UBAP2: variants seen among roughly 807,000 people sequenced by gnomAD.
UBAP2 encodes ubiquitin associated protein 2, also known as ubiquitin-associated protein 2.
Under a neutral mutation model 139.6 loss-of-function variants are expected in UBAP2, and 75 were observed. That is an observed-to-expected ratio of 0.54 (90% CI 0.45 to 0.65). UBAP2 has a LOEUF of 0.65. UBAP2 is among the 30% of genes least tolerant of loss of function. UBAP2 has a pLI of 0.00. For missense variants in UBAP2, 1,368 were observed against 1,369.6 expected (o/e 1.00, Z 0.02); for synonymous variants, 526 against 526.2 (o/e 1.00, Z 0.01).
intron 13 of UBAP2, 105 bp downstream of exon 13, chr9:33,948,269 A>G: frequency 9.8e-7 from 1 of 1,022,076 alleles, no homozygotes; most frequent in Non-Finnish European, 1.4e-6. Flanking sequence ...TACTAAAAAG[A>G]AACATCTCTG....
At chr9:33,979,975 A>G (rs1820493895) in intron 6 of UBAP2, among the ~76,000 whole-genome samples, 1 of 151,858 alleles carries the variant, frequency 6.6e-6, no homozygotes, top group East Asian at 2.0e-4. Context: ...CGGGAGGCTA[A>G]GGCAGGAGAA....
intron 3 of UBAP2, 24 bp downstream of exon 3, chr9:33,998,763 T>C (rs377556391): frequency 2.7e-5 from 43 of 1,584,960 alleles, no homozygotes; most frequent in Non-Finnish European, 3.6e-5. Flanking sequence ...ATAAAAATGA[T>C]GATATCCTTT....
intron 1 of UBAP2, among the ~76,000 whole-genome samples, chr9:34,017,936 A>ATAAATAAAATTT (rs1824526543): frequency 6.6e-6 from 1 of 152,192 alleles, no homozygotes; most frequent in Non-Finnish European, 1.5e-5. Context: ...CAAAAAAAAA[A>ATAAATAAAATTT]AAAAATTGTG....
chr9:33,989,167 T>C, intron 4 of UBAP2, 41 bp from the exon 5 acceptor site: 3 of 1,554,386 alleles, frequency 1.9e-6, no homozygotes, highest in Non-Finnish European at 2.6e-6. Context: ...TCATTCAAAG[T>C]GTGTACAATT....
chr9:33,944,927 C>T (rs1168719043), intron 13 of UBAP2, among the ~76,000 whole-genome samples: 1 of 152,080 alleles, frequency 6.6e-6, no homozygotes, highest in Admixed American at 6.5e-5. Flanking sequence ...CATTAGCTAA[C>T]AGAGAATCAT....
At chr9:34,030,689 G>A (rs1825816522) in intron 1 of UBAP2, among the ~76,000 whole-genome samples, 1 of 152,180 alleles carries the variant, frequency 6.6e-6, no homozygotes, top group African/African-American at 2.4e-5. Context: ...CACTTTGGGA[G>A]GCCCGGGCGC....
intron 2 of UBAP2, among the ~76,000 whole-genome samples, chr9:34,002,308 T>G (rs192964999): frequency 2.0e-5 from 3 of 151,810 alleles, no homozygotes; most frequent in Non-Finnish European, 4.4e-5. Flanking sequence ...GTGGAATCAC[T>G]CACAGACACA....
In UBAP2 at chr9:33,943,594, AAAAGC is replaced by A. The variant is rs778289619; in HGVS notation, c.1546-10_1546-6del. The A allele has an allele frequency of 6.2e-7, 1 of 1,614,002 alleles. No individual in the cohort carries two copies. The highest frequency in any genetic ancestry group is 8.5e-7 in the Non-Finnish European group (1 of 1,179,956). On this transcript the variant is annotated splice_region_variant and splice_polypyrimidine_tract_variant and intron_variant, in intron 14 of 28. Transcript: ENST00000379238. ...TTCCACTGCAGAAGCTGGGATCTGAAAAAGCAAAGCTGTCGTGTCAGGAACAGAGG... is the reference window on the plus strand; with the variant it reads ...TTCCACTGCAGAAGCTGGGATCTGAAAAAGCTGTCGTGTCAGGAACAGAGG...
intron 19 of UBAP2, among the ~76,000 whole-genome samples, chr9:33,930,752 C>T (rs1303743801): frequency 2.0e-5 from 3 of 151,730 alleles, no homozygotes; most frequent in South Asian, 2.1e-4. Context: ...AAAAATTATC[C>T]GGGCATGGTG....
chr9:33,929,253 T>C (rs914734814), intron 19 of UBAP2, among the ~76,000 whole-genome samples: 13 of 152,286 alleles, frequency 8.5e-5, no homozygotes, highest in Non-Finnish European at 1.8e-4. Flanking sequence ...ACATTCTCCA[T>C]CGCTAAGAGA....
intron 9 of UBAP2, 111 bp downstream of exon 9, chr9:33,963,615 A>G: frequency 1.5e-6 from 1 of 647,054 alleles, no homozygotes; most frequent in Non-Finnish European, 2.6e-6. Flanking sequence ...TATAGTTTAC[A>G]AACATTTATC....
Position 33,922,352 on chromosome 9 carries a change from C to T in UBAP2, c.*152G>A. 1 of 731,862 alleles carries T rather than the reference C, an allele frequency of 1.4e-6. No homozygotes were observed. Among genetic ancestry groups the T allele is most frequent in the Non-Finnish European group, 2.4e-6 (1 of 420,704 alleles). 45.3% of individuals were successfully genotyped at this position (731,862 alleles called of 1,614,324 possible). ...AATACATACATAAATACATTACATA[C>T]AGTAGCCAGTCTGGGAGGCAGACTC... On this transcript the variant is annotated 3_prime_UTR_variant, in exon 29 of 29. Transcript: ENST00000379238.
chr9:33,974,360 A>G (rs1587592989), intron 6 of UBAP2, among the ~76,000 whole-genome samples: 1 of 152,248 alleles, frequency 6.6e-6, no homozygotes, highest in East Asian at 1.9e-4. Context: ...TACAAATATT[A>G]ATGGGGCATA....
chr9:34,012,584 G>C (rs1823852943), intron 2 of UBAP2, among the ~76,000 whole-genome samples: 1 of 150,450 alleles, frequency 6.6e-6, no homozygotes, highest in Non-Finnish European at 1.5e-5. Flanking sequence ...ATGGTCTGTA[G>C]ATGTTCTGAT....
intron 2 of UBAP2, among the ~76,000 whole-genome samples, chr9:34,008,151 T>TA (rs1823400311): frequency 6.6e-6 from 1 of 151,038 alleles, no homozygotes; most frequent in Non-Finnish European, 1.5e-5. Context: ...AAAATACACA[T>TA]ACAAATACAA....
chr9:34,020,999 T>A (rs1255882096), intron 1 of UBAP2, among the ~76,000 whole-genome samples: 2 of 152,120 alleles, frequency 1.3e-5, no homozygotes, highest in Non-Finnish European at 2.9e-5. Context: ...AAGCAAGCAT[T>A]CCCATGATGT....
At chr9:33,942,727 C>CA (rs544848249) in intron 15 of UBAP2, among the ~76,000 whole-genome samples, 2,295 of 135,024 alleles carry the variant, frequency 0.017, 25 homozygotes, top group Non-Finnish European at 0.023. Context: ...GACCCTATCT[C>CA]AAAAAAAAAA....
intron 22 of UBAP2, among the ~76,000 whole-genome samples, chr9:33,924,701 A>G: frequency 6.6e-6 from 1 of 152,298 alleles, no homozygotes; most frequent in South Asian, 2.1e-4. Context: ...GAAAGGTTTA[A>G]GGGGGGACAG....
chr9:34,003,367 A>G (rs972214007), intron 2 of UBAP2, among the ~76,000 whole-genome samples: 1 of 125,230 alleles, frequency 8.0e-6, no homozygotes, highest in East Asian at 2.5e-4. Context: ...TACATACATC[A>G]AAGATGGCTT....
Sources: gnomAD v4.1 joint callset for allele counts (sites outside exome capture counted in the v4.1 genomes callset) on GRCh38, gnomAD v4.1.1 for gene constraint, MANE v1.5 for transcripts, NCBI Gene and HGNC (gene_info 2026-07-23, HGNC 2026-07-21) for gene names.